The following CAGE1 variants were observed in gnomAD, a reference collection of about 807,000 sequenced individuals.
The protein encoded by CAGE1 is cancer antigen 1.
CAGE1 carries 66 observed loss-of-function variants against 94.9 expected under a neutral mutation model. The ratio of observed to expected loss-of-function variants is 0.70; its 90% CI spans 0.57 to 0.85. The LOEUF (loss-of-function observed/expected upper bound fraction) is 0.85. Among genes scored for constraint, CAGE1 ranks in the 40% least tolerant of loss-of-function variants. The pLI is 0.00. For synonymous variants in CAGE1, 319 were observed against 321.0 expected (o/e 0.99, Z 0.07); for missense variants, 865 against 950.4 (o/e 0.91, Z 1.18).
rs879090841 is a variant in CAGE1 at position 7,339,167 on chromosome 6, A to G, written c.2370-5077T>C. ...AGAGTTTCCCAGACACCACGACCTC[A>G]CAGCCTTTGGCCCCAGTTTCCATGA... On this transcript the variant is annotated intron_variant, in intron 11 of 13. Transcript: ENST00000502583. This position sits in a 1 kb window ranked among gnomAD's most constrained non-coding sequence, Gnocchi z 4.7. 3 of 1,517,022 alleles carry G rather than the reference A, an allele frequency of 2.0e-6. 1 individual carries two copies. In the African/African-American group the frequency reaches 4.1e-5, roughly 21 times the overall value. The allele number at this position is 1,517,022 out of a possible 1,614,324, so 94.0% of individuals were successfully genotyped here. A position where few individuals can be genotyped will look rare whatever the true frequency, so the allele number is the denominator to read the frequency against.
In CAGE1 at chr6:7,387,020, T is replaced by C. The variant is rs1174205784; in HGVS notation, c.154A>G (p.Ile52Val). ...GTGGTGCCGGTGGTTTCCATACAGATTGGAGAATGTGAAAGCATTACACCT... is the reference window on the plus strand; with the variant it reads ...GTGGTGCCGGTGGTTTCCATACAGACTGGAGAATGTGAAAGCATTACACCT... ...SQGVMLSHSP[I>V]CMETTGTTCD... Residue 52 changes from isoleucine (I) to valine (V), a missense_variant, in exon 2 of 14, where the codon ATC (isoleucine) becomes GTC (valine). Transcript: ENST00000502583. 16 of 1,552,006 alleles carry C rather than the reference T, an allele frequency of 1.0e-5. No homozygotes were observed. Among genetic ancestry groups the C allele is most frequent in the East Asian group, 7.3e-5 (3 of 40,934 alleles).
At chr6:7,334,130 C>A in intron 11 of CAGE1, 40 bp from the exon 12 acceptor site, 1 of 1,231,020 alleles carries the variant, frequency 8.1e-7, no homozygotes, top group African/African-American at 1.5e-5. Flanking sequence ...CTAAAATGGA[C>A]TTTTCTAGAC....
intron 12 of CAGE1, among the ~76,000 whole-genome samples, chr6:7,333,341 G>A (rs1472370469): frequency 2.6e-5 from 4 of 152,126 alleles, no homozygotes; most frequent in Non-Finnish European, 4.4e-5. Flanking sequence ...AGCAGACTGT[G>A]AGGCTTAATG....
At position 7,387,200 on chromosome 6, in the gene CAGE1, T is replaced by TA. The variant is rs35613760; in HGVS notation, c.-23-5dup. 440,597 of 1,351,030 alleles carry TA rather than the reference T, an allele frequency of 0.33. 45,004 individuals carry two copies. The highest frequency in any genetic ancestry group is 0.42 in the Admixed American group (18,262 of 43,490). 83.7% of individuals were successfully genotyped at this position (1,351,030 alleles called of 1,614,324 possible). A position where few individuals can be genotyped will look rare whatever the true frequency, so the allele number is the denominator to read the frequency against. ...ACTGTTGAACAATAGAAGACTTCTT[T>TA]AAAAAAAAAATGTGTCTATTAGTAG... On this transcript the variant is annotated splice_polypyrimidine_tract_variant and splice_region_variant and intron_variant, in intron 1 of 13. Transcript: ENST00000502583.
At chr6:7,355,774 G>C (rs753537440) in intron 10 of CAGE1, among the ~76,000 whole-genome samples, 41 of 152,334 alleles carry the variant, frequency 2.7e-4, no homozygotes, top group Non-Finnish European at 4.6e-4. Context: ...GGCCGAGGCA[G>C]AAGGATTGCT....
At chr6:7,383,059 G>GT (rs1760996620) in intron 3 of CAGE1, among the ~76,000 whole-genome samples, 1 of 149,088 alleles carries the variant, frequency 6.7e-6, no homozygotes, top group Admixed American at 6.8e-5. Flanking sequence ...CATGGGAACG[G>GT]TTTTCCCCAT....
At chr6:7,385,287 G>A (rs1383586191) in intron 3 of CAGE1, among the ~76,000 whole-genome samples, 1 of 151,316 alleles carries the variant, frequency 6.6e-6, no homozygotes, top group Non-Finnish European at 1.5e-5. Flanking sequence ...TTACAGGCGT[G>A]AGCCACCGTG....
At chr6:7,367,695 T>C (rs1036076463) in intron 7 of CAGE1, among the ~76,000 whole-genome samples, 3 of 152,210 alleles carry the variant, frequency 2.0e-5, no homozygotes, top group Non-Finnish European at 4.4e-5. Flanking sequence ...CTCTACAGGC[T>C]GGCTAGGAGG....
Position 7,389,278 on chromosome 6 carries a change from C to T in CAGE1, c.-100G>A. 2.2e-6 allele frequency: 1 copy of T among 456,294 alleles called. No individual in the cohort carries two copies. Among genetic ancestry groups the T allele is most frequent in the South Asian group, 1.5e-5 (1 of 64,574 alleles). 28.3% of individuals were successfully genotyped at this position (456,294 alleles called of 1,614,324 possible). A position where few individuals can be genotyped will look rare whatever the true frequency, so the allele number is the denominator to read the frequency against. On this transcript the variant is annotated 5_prime_UTR_variant, in exon 1 of 14. Coordinates refer to ENST00000502583, the MANE Select transcript of CAGE1 (RefSeq NM_001170692.2). ...AAACTTTTTAAGACACAAAAGTGTGCTCACTTCCAGGATCCATAGTTTCTT... is the reference window on the plus strand; with the variant it reads ...AAACTTTTTAAGACACAAAAGTGTGTTCACTTCCAGGATCCATAGTTTCTT...
chr6:7,327,468 TTTTG>T (rs948427799), intron 13 of CAGE1, among the ~76,000 whole-genome samples: 108 of 152,114 alleles, frequency 7.1e-4, no homozygotes, highest in African/African-American at 2.5e-3. Context: ...TAACTGATAT[TTTTG>T]TTTGTTTGTT....
rs1554136907 is a variant in CAGE1, at chr6:7,343,198, A to AAAAGAAAAGAAAAG, written c.2370-9109_2370-9108insCTTTTCTTTTCTTT. The stretch of plus-strand genomic sequence containing the variant: ...TGCGAGACTCTGTCCCACAAAAAAA[A>AAAAGAAAAGAAAAG]AAAAGAAAAGAAAAGAAAAGAAAAA... On this transcript the variant is annotated intron_variant, in intron 11 of 13. Coordinates refer to ENST00000502583, the MANE Select transcript of CAGE1 (RefSeq NM_001170692.2). Among the ~76,000 whole-genome samples, 10 of 137,360 alleles carry AAAAGAAAAGAAAAG rather than the reference A, an allele frequency of 7.3e-5. No homozygotes were observed. The South Asian group carries it at 1.6e-3, about 22-fold the overall frequency. 90.1% of individuals were successfully genotyped at this position (137,360 alleles called of 152,430 possible).
At chr6:7,374,476 G>C (rs1463128904) in intron 4 of CAGE1, among the ~76,000 whole-genome samples, 1 of 150,900 alleles carries the variant, frequency 6.6e-6, no homozygotes, top group Non-Finnish European at 1.5e-5. Flanking sequence ...AAGATGCTTT[G>C]ACTTCAAATA....
In CAGE1 at chr6:7,368,672, A is replaced by G; in HGVS notation, c.2004+16T>C. 3 of 1,253,468 alleles carry G rather than the reference A, an allele frequency of 2.4e-6. No homozygotes were observed. Among genetic ancestry groups the G allele is most frequent in the African/African-American group, 1.5e-5 (1 of 64,970 alleles). 77.6% of individuals were successfully genotyped at this position (1,253,468 alleles called of 1,614,324 possible). A position where few individuals can be genotyped will look rare whatever the true frequency, so the allele number is the denominator to read the frequency against. On this transcript the variant is annotated intron_variant, in intron 7 of 13. Coordinates refer to ENST00000502583, the MANE Select transcript of CAGE1 (RefSeq NM_001170692.2). ...TAAAAATAATAAAATTTTTAGAAGA[A>G]GAATAAATATAATACCTCTTTATCT...
At chr6:7,352,300 A>AAC (rs1461662580) in intron 11 of CAGE1, among the ~76,000 whole-genome samples, 2 of 115,884 alleles carry the variant, frequency 1.7e-5, no homozygotes, top group African/African-American at 3.8e-5. Context: ...CAAAAAAAAA[A>AAC]AAAAACAAAA....
intron 12 of CAGE1, among the ~76,000 whole-genome samples, chr6:7,333,628 ATCTATCTAACTATC>A (rs1484439781): frequency 2.8e-4 from 19 of 67,750 alleles, no homozygotes; most frequent in African/African-American, 1.3e-3. Flanking sequence ...TTATCTAACT[ATCTATCTAACTATC>A]TATATATATA....
rs531536320 is a variant in CAGE1 at position 7,351,937 on chromosome 6, G to A, written c.2369+3104C>T. Among the ~76,000 whole-genome samples, 158 of 152,196 alleles carry A rather than the reference G, an allele frequency of 1.0e-3. No individual in the cohort carries two copies. The Middle Eastern group carries it at 0.024, about 23-fold the overall frequency. ...CACAGCCAACATAATACTGAAATGGGGAAAAGTTGAAAGCATTCCCTCTGA... is the reference window on the plus strand; with the variant it reads ...CACAGCCAACATAATACTGAAATGGAGAAAAGTTGAAAGCATTCCCTCTGA... On this transcript the variant is annotated intron_variant, in intron 11 of 13. Coordinates refer to ENST00000502583, the MANE Select transcript of CAGE1 (RefSeq NM_001170692.2).
At chr6:7,338,621 A>C in intron 11 of CAGE1, among the ~76,000 whole-genome samples, 1 of 152,228 alleles carries the variant, frequency 6.6e-6, no homozygotes, top group Non-Finnish European at 1.5e-5. Flanking sequence ...TCTAGGGATT[A>C]GAACATGGAT....
At chr6:7,333,918 T>C in intron 12 of CAGE1, 104 bp downstream of exon 12, 1 of 663,920 alleles carries the variant, frequency 1.5e-6, no homozygotes, top group Non-Finnish European at 2.5e-6. Flanking sequence ...TCCACCCACC[T>C]TGGCCTCCCA....
intron 12 of CAGE1, 112 bp from the exon 13 acceptor site, chr6:7,330,000 G>T (rs531594572): frequency 1.0e-5 from 6 of 595,128 alleles, no homozygotes; most frequent in Non-Finnish European, 1.9e-5. Flanking sequence ...CTTTCAAGGA[G>T]AAATCGTCAT....
Sources: allele counts gnomAD v4.1 joint callset (sites outside exome capture counted in the v4.1 genomes callset), GRCh38; gene constraint gnomAD v4.1.1; non-coding constraint Gnocchi (gnomAD v3.1); transcripts MANE v1.5; gene names NCBI Gene and HGNC (gene_info 2026-07-23, HGNC 2026-07-21).